The following DOCK1 variants were observed in gnomAD, a reference collection of about 807,000 sequenced individuals.
The protein encoded by DOCK1 is dedicator of cytokinesis 1.
A neutral mutation model predicts 262.7 loss-of-function variants in DOCK1; 138 were observed. The observed-to-expected ratio is 0.53, with a 90% CI of 0.46 to 0.61. The LOEUF (loss-of-function observed/expected upper bound fraction) is 0.61, where lower values mean the gene tolerates loss of function less well. DOCK1 is among the 20% of genes least tolerant of loss of function. The pLI, the probability that DOCK1 is intolerant of heterozygous loss-of-function variation, is 0.00. For synonymous variants in DOCK1, 866 were observed against 867.4 expected (o/e 1.00, Z 0.03); for missense variants, 1,908 against 2,370.7 (o/e 0.80, Z 4.05).
chr10:127,013,509 A>G (rs1293923013), intron 12 of DOCK1: 1 of 152,156 alleles, frequency 6.6e-6, no homozygotes, highest in Admixed American at 6.5e-5. Flanking sequence ...CGGAGTTTTG[A>G]TAAACTTTTA....
intron 1 of DOCK1, among the ~76,000 whole-genome samples, chr10:126,921,537 T>C (rs1411554253): frequency 6.6e-6 from 1 of 152,168 alleles, no homozygotes; most frequent in Non-Finnish European, 1.5e-5. Context: ...AGATTAGTGG[T>C]TGCCCGGGAC....
intron 27 of DOCK1, among the ~76,000 whole-genome samples, chr10:127,215,917 C>T (rs907062345): frequency 6.6e-6 from 1 of 151,958 alleles, no homozygotes; most frequent in African/African-American, 2.4e-5. Flanking sequence ...TAAGTACCTT[C>T]AGCCAAAAGG....
intron 27 of DOCK1, among the ~76,000 whole-genome samples, chr10:127,133,960 T>C (rs1050277506): frequency 2.0e-5 from 3 of 152,244 alleles, no homozygotes; most frequent in Admixed American, 6.5e-5. Flanking sequence ...AAGCAGCTGC[T>C]GTGATCTTTA....
At chr10:127,201,297 C>G (rs984471090) in intron 27 of DOCK1, among the ~76,000 whole-genome samples, 9 of 152,164 alleles carry the variant, frequency 5.9e-5, no homozygotes, top group Non-Finnish European at 1.2e-4. Context: ...GTGTAAAGCC[C>G]CTTGCCCGTG....
At chr10:126,948,837 C>G (rs1009423751) in intron 1 of DOCK1, among the ~76,000 whole-genome samples, 1 of 152,058 alleles carries the variant, frequency 6.6e-6, no homozygotes, top group Admixed American at 6.5e-5. Context: ...ACCTTGCCCC[C>G]TATGCCTTTC....
At chr10:126,947,354 G>A (rs1213801544) in intron 1 of DOCK1, among the ~76,000 whole-genome samples, 390 of 113,428 alleles carry the variant, frequency 3.4e-3, no homozygotes, top group African/African-American at 7.8e-3. Flanking sequence ...TGATGGTGGT[G>A]GTTGGTAGTA....
intron 27 of DOCK1, among the ~76,000 whole-genome samples, chr10:127,143,299 C>T (rs1277305918): frequency 1.3e-5 from 2 of 152,296 alleles, no homozygotes; most frequent in Admixed American, 1.3e-4. Context: ...GGTCTCTAGC[C>T]TCGACAGGGC....
At chr10:126,963,297 A>G (rs2037368028) in intron 1 of DOCK1, among the ~76,000 whole-genome samples, 1 of 152,130 alleles carries the variant, frequency 6.6e-6, no homozygotes, top group African/African-American at 2.4e-5. Flanking sequence ...CAGCATTGAC[A>G]TCTTAACAAT....
intron 27 of DOCK1, among the ~76,000 whole-genome samples, chr10:127,200,171 C>T (rs554675116): frequency 5.9e-5 from 9 of 152,250 alleles, no homozygotes; most frequent in African/African-American, 1.9e-4. Context: ...CCGGATCTCA[C>T]ACAAGAAAGA....
intron 1 of DOCK1, among the ~76,000 whole-genome samples, chr10:126,912,351 AC>A (rs1362719803): frequency 8.6e-5 from 13 of 150,332 alleles, no homozygotes; most frequent in Admixed American, 6.0e-4. Context: ...AATCACTGGA[AC>A]CTCGGAGGCG....
intron 23 of DOCK1, among the ~76,000 whole-genome samples, chr10:127,062,082 G>A (rs1056368325): frequency 6.6e-5 from 10 of 151,734 alleles, no homozygotes; most frequent in Admixed American, 2.0e-4. Context: ...GACTACAGGC[G>A]CATGCCACCA....
intron 2 of DOCK1, among the ~76,000 whole-genome samples, chr10:126,977,211 G>T (rs1490555010): frequency 6.6e-6 from 1 of 152,228 alleles, no homozygotes; most frequent in Non-Finnish European, 1.5e-5. Flanking sequence ...CCTGAGAGGG[G>T]TGCCAGGGGT....
At chr10:127,162,200 T>A (rs2053647944) in intron 27 of DOCK1, among the ~76,000 whole-genome samples, 1 of 152,228 alleles carries the variant, frequency 6.6e-6, no homozygotes, top group Admixed American at 6.5e-5. Context: ...AATGTCTTTC[T>A]GGGGAAGGGC....
intron 27 of DOCK1, among the ~76,000 whole-genome samples, chr10:127,212,532 A>G (rs186623934): frequency 2.0e-5 from 3 of 152,228 alleles, no homozygotes; most frequent in African/African-American, 4.8e-5. Context: ...TCTCGCTTGC[A>G]GACACCTCGA....
intron 27 of DOCK1, among the ~76,000 whole-genome samples, chr10:127,143,504 C>G (rs2133328318): frequency 6.6e-6 from 1 of 152,310 alleles, no homozygotes; most frequent in Admixed American, 6.5e-5. Context: ...CCACTTCTCA[C>G]AGCAGTCTCC....
At chr10:127,222,744 C>A (rs1239041286) in intron 27 of DOCK1, among the ~76,000 whole-genome samples, 1 of 148,818 alleles carries the variant, frequency 6.7e-6, no homozygotes, top group Admixed American at 6.7e-5. Context: ...TGGCTCACTG[C>A]GGCCTTGACC....
chr10:126,971,544 G>C (rs1001299096), intron 2 of DOCK1, among the ~76,000 whole-genome samples: 2 of 152,126 alleles, frequency 1.3e-5, no homozygotes, highest in Non-Finnish European at 2.9e-5. Context: ...AGGCTCCCAA[G>C]TAGCTGGGAC....
At chr10:127,260,245 C>G (rs952190239) in intron 29 of DOCK1, among the ~76,000 whole-genome samples, 9 of 152,174 alleles carry the variant, frequency 5.9e-5, no homozygotes, top group African/African-American at 2.2e-4. Flanking sequence ...GGAAGAGAGT[C>G]TTTTGTTTTG....
In DOCK1 at chr10:127,100,211, C is replaced by A. The variant is rs1432394972; in HGVS notation, c.2446-6020C>A. On this transcript the variant is annotated intron_variant, in intron 23 of 51. Transcript: ENST00000623213. This position sits in a 1 kb window ranked among gnomAD's most constrained non-coding sequence, Gnocchi z 5.5. Reference sequence around the variant, plus strand: ...TGTCCTTGAGGGGTCAGCGTGGAGGCAGGGAGGGCGGGTAGGAGGCTGTGG... The same window carrying A: ...TGTCCTTGAGGGGTCAGCGTGGAGGAAGGGAGGGCGGGTAGGAGGCTGTGG... 6.6e-6 allele frequency among the ~76,000 whole-genome samples: 1 copy of A among 152,086 alleles called. No homozygotes were observed.
Sources: allele counts gnomAD v4.1 joint callset (sites outside exome capture counted in the v4.1 genomes callset), GRCh38; gene constraint gnomAD v4.1.1; non-coding constraint Gnocchi (gnomAD v3.1); transcripts MANE v1.5; gene names NCBI Gene and HGNC (gene_info 2026-07-23, HGNC 2026-07-21).